Variants in CNTNAP5 observed in about 807,000 individuals in gnomAD.
CNTNAP5 encodes contactin associated protein family member 5.
In CNTNAP5, 72 loss-of-function variants were observed where a neutral mutation model predicts 150.2. That is an observed-to-expected ratio of 0.48 (90% confidence interval 0.40 to 0.58). The LOEUF is 0.58. CNTNAP5 is among the 20% of genes least tolerant of loss of function. The probability of loss-of-function intolerance (pLI) is 0.00; values close to 1 mark genes in which losing one functional copy is unlikely to be tolerated. For synonymous variants in CNTNAP5, 672 were observed against 619.8 expected, an observed-to-expected ratio of 1.08 and a Z score of -1.25; for missense variants, 1,636 against 1,626.2, an observed-to-expected ratio of 1.01 and a Z score of -0.10.
At chr2:124,136,795 T>C (rs1318079676) in intron 1 of CNTNAP5, among the ~76,000 whole-genome samples, 1 of 152,226 alleles carries the variant, frequency 6.6e-6, no homozygotes, top group Admixed American at 6.5e-5. Context: ...ACCTCTTTTC[T>C]GCACATTGCT....
chr2:124,835,645 AG>A (rs1682814044), intron 19 of CNTNAP5, among the ~76,000 whole-genome samples: 2 of 152,168 alleles, frequency 1.3e-5, no homozygotes, highest in African/African-American at 4.8e-5. Context: ...GTTAAGTGTC[AG>A]GCTTCTGGAC....
In CNTNAP5 at chr2:124,433,492, G is replaced by A. The variant is rs557307716; in HGVS notation, c.530-992G>A. On this transcript the variant is annotated intron_variant, in intron 4 of 23. Coordinates refer to ENST00000682447, the MANE Select transcript of CNTNAP5 (RefSeq NM_001367498.1). ...TATCATTGTGTATGCTCAGGCTGAG[G>A]ATTTTAATTACATGCTGAATAATAC... Among the ~76,000 whole-genome samples, 9 of 152,188 alleles carry A rather than the reference G, an allele frequency of 5.9e-5. No individual in the cohort carries two copies. In the East Asian group the frequency reaches 1.7e-3, roughly 29 times the overall value.
intron 1 of CNTNAP5, among the ~76,000 whole-genome samples, chr2:124,146,400 A>G (rs1264598677): frequency 6.6e-6 from 1 of 152,210 alleles, no homozygotes; most frequent in Non-Finnish European, 1.5e-5. Flanking sequence ...AGTGCTAAGA[A>G]CCTTGACACT....
At chr2:124,768,474 A>G (rs1272839913) in intron 16 of CNTNAP5, among the ~76,000 whole-genome samples, 1 of 152,148 alleles carries the variant, frequency 6.6e-6, no homozygotes, top group Non-Finnish European at 1.5e-5. Context: ...ACAAATGAAT[A>G]CTACTAATAA....
At chr2:124,793,882 A>T (rs900738461) in intron 18 of CNTNAP5, among the ~76,000 whole-genome samples, 1 of 152,144 alleles carries the variant, frequency 6.6e-6, no homozygotes, top group Non-Finnish European at 1.5e-5. Context: ...TTAAAATGTA[A>T]CATAATTATT....
chr2:124,402,069 A>G (rs1691439215), intron 3 of CNTNAP5, among the ~76,000 whole-genome samples: 1 of 152,186 alleles, frequency 6.6e-6, no homozygotes, highest in African/African-American at 2.4e-5. Flanking sequence ...GAGACTCTAT[A>G]TTGATAAGAT....
intron 1 of CNTNAP5, among the ~76,000 whole-genome samples, chr2:124,142,415 A>G (rs1348266811): frequency 6.6e-6 from 1 of 151,972 alleles, no homozygotes; most frequent in East Asian, 1.9e-4. Context: ...GCAAATCTAA[A>G]GAACAGAAAT....
intron 18 of CNTNAP5, among the ~76,000 whole-genome samples, chr2:124,793,410 G>T (rs974835043): frequency 6.6e-6 from 1 of 151,988 alleles, no homozygotes; most frequent in African/African-American, 2.4e-5. Flanking sequence ...GTAATAATTT[G>T]TCGTATGTTT....
chr2:124,649,616 T>G (rs1678277718), intron 13 of CNTNAP5, among the ~76,000 whole-genome samples: 1 of 152,064 alleles, frequency 6.6e-6, no homozygotes, highest in South Asian at 2.1e-4. Flanking sequence ...CTTATTTGAG[T>G]GGGAGGGCAC....
At chr2:124,555,232 A>G (rs959086018) in intron 10 of CNTNAP5, among the ~76,000 whole-genome samples, 4 of 152,196 alleles carry the variant, frequency 2.6e-5, no homozygotes, top group Admixed American at 2.6e-4. Flanking sequence ...AAAAACATTC[A>G]TACCATAGTT....
intron 1 of CNTNAP5, among the ~76,000 whole-genome samples, chr2:124,188,515 G>A (rs557908717): frequency 6.6e-6 from 1 of 151,874 alleles, no homozygotes; most frequent in Non-Finnish European, 1.5e-5. Flanking sequence ...GTCAGGAGAT[G>A]GAGACCATCC....
intron 1 of CNTNAP5, among the ~76,000 whole-genome samples, chr2:124,077,414 C>G (rs1432662679): frequency 6.6e-6 from 1 of 152,116 alleles, no homozygotes; most frequent in African/African-American, 2.4e-5. Context: ...ATTCAAAGTC[C>G]AGCTCTACTT....
At chr2:124,280,015 C>G (rs1390254741) in intron 3 of CNTNAP5, among the ~76,000 whole-genome samples, 1 of 152,062 alleles carries the variant, frequency 6.6e-6, no homozygotes, top group Non-Finnish European at 1.5e-5. Flanking sequence ...ATCCATCCAG[C>G]ATTTGCTTCT....
rs1469483376 is a variant in CNTNAP5, at chr2:124,914,105, GGT to G, written c.3743_3744del (p.Val1248AspfsTer43). On this transcript the variant is annotated frameshift_variant, in exon 24 of 24. Coordinates refer to ENST00000682447, the MANE Select transcript of CNTNAP5 (RefSeq NM_001367498.1). LOFTEE classifies it high-confidence loss of function. ...CTTTCTCTCCAGGGGTGATAGCAGT[GGT>G]GATATTCATCATCTTCTGTATCATC... ...SAVIGGVIAV[V>X]IFIIFCIIGI... 1 of 1,611,448 alleles carries G rather than the reference GGT, an allele frequency of 6.2e-7. No individual in the cohort carries two copies. The highest frequency in any genetic ancestry group is 8.5e-7 in the Non-Finnish European group (1 of 1,178,192).
At chr2:124,722,878 C>T (rs1680076708) in intron 13 of CNTNAP5, among the ~76,000 whole-genome samples, 1 of 152,150 alleles carries the variant, frequency 6.6e-6, no homozygotes, top group African/African-American at 2.4e-5. Flanking sequence ...TGCCACATCC[C>T]AGAAGTCTGA....
Position 124,764,137 on chromosome 2 carries a change from C to T in CNTNAP5, c.2523C>T (p.Leu841=), listed in dbSNP as rs1193563136. The change falls in exon 16 of 24, where the codon CTC becomes CTT. Residue 841 remains leucine, a synonymous_variant. Coordinates refer to ENST00000682447, the MANE Select transcript of CNTNAP5 (RefSeq NM_001367498.1). ...ENLGIKDFIR[L]EISSPSEITF... ...TTGGCATTAAAGACTTCATTCGACT[C>T]GAAATAAGCTGTAAGTGCCCTCAAT... 2 of 1,611,668 alleles carry T rather than the reference C, an allele frequency of 1.2e-6. No individual in the cohort carries two copies. Among genetic ancestry groups the T allele is most frequent in the Non-Finnish European group, 1.7e-6 (2 of 1,178,164 alleles).
intron 1 of CNTNAP5, among the ~76,000 whole-genome samples, chr2:124,142,684 G>A (rs1456270669): frequency 1.6e-5 from 2 of 125,482 alleles, no homozygotes; most frequent in African/African-American, 6.4e-5. Context: ...ACAAGAGAAA[G>A]CAGGAAAGAT....
rs1678443102 is a variant in CNTNAP5, at chr2:124,902,922, C to T, written c.3477C>T (p.Ala1159=). 6.2e-7 allele frequency: 1 copy of T among 1,612,076 alleles called. No individual in the cohort carries two copies. Among genetic ancestry groups the T allele is most frequent in the Non-Finnish European group, 8.5e-7 (1 of 1,178,548 alleles). The change falls in exon 22 of 24, where the codon GCC becomes GCT. Residue 1159 remains alanine (A), a synonymous_variant. Transcript: ENST00000682447. ...ATTCTGAAGTTGCTAAAGCAAATGC[C>T]ATGGGTTTTGCTGGATGCATGTCTT... ...GLDSEVAKAN[A]MGFAGCMSSV...
chr2:124,734,339 C>A (rs548970426), intron 13 of CNTNAP5, among the ~76,000 whole-genome samples: 1 of 151,792 alleles, frequency 6.6e-6, no homozygotes, highest in African/African-American at 2.4e-5. Context: ...CATGAGAGAA[C>A]GTTTGACACA....
Sources: allele counts gnomAD v4.1 joint callset (sites outside exome capture counted in the v4.1 genomes callset), GRCh38; gene constraint gnomAD v4.1.1; transcripts MANE v1.5; gene names NCBI Gene and HGNC (gene_info 2026-07-23, HGNC 2026-07-21).